The following FSTL4 variants were observed in gnomAD, a reference collection of about 807,000 sequenced individuals.
FSTL4 encodes the protein follistatin like 4.
A neutral mutation model predicts 78.2 loss-of-function variants in FSTL4; 28 were observed. The observed-to-expected ratio is 0.36, with a 90% CI of 0.27 to 0.49. FSTL4 has a LOEUF of 0.49. Ranked by LOEUF, FSTL4 falls within the 20% of genes least tolerant of loss-of-function variation. The pLI is 0.98. For missense variants in FSTL4, 922 were observed against 1,084.9 expected, an observed-to-expected ratio of 0.85 and a Z score of 2.11; for synonymous variants, 422 against 440.5, an observed-to-expected ratio of 0.96 and a Z score of 0.53.
intron 3 of FSTL4, among the ~76,000 whole-genome samples, chr5:133,518,288 A>G (rs1758905318): frequency 6.6e-6 from 1 of 152,234 alleles, no homozygotes; most frequent in African/African-American, 2.4e-5. Context: ...TTATTTTACA[A>G]ATCAATAATA....
chr5:133,516,922 A>ATCTCTGCC (rs908988301), intron 3 of FSTL4, among the ~76,000 whole-genome samples: 1 of 152,158 alleles, frequency 6.6e-6, no homozygotes, highest in African/African-American at 2.4e-5. Flanking sequence ...ATTAAATCAA[A>ATCTCTGCC]TCTCTGCCTC....
intron 4 of FSTL4, among the ~76,000 whole-genome samples, chr5:133,377,805 A>T (rs755552857): frequency 1.1e-4 from 17 of 152,304 alleles, no homozygotes; most frequent in Non-Finnish European, 2.2e-4. Flanking sequence ...AAATTCAACA[A>T]TCTTCAAGGA....
chr5:133,502,076 C>G (rs74613437), intron 3 of FSTL4, among the ~76,000 whole-genome samples: 1 of 152,196 alleles, frequency 6.6e-6, no homozygotes, highest in Non-Finnish European at 1.5e-5. Flanking sequence ...TTGGAGGGAG[C>G]ACAGCCCTGA....
intron 3 of FSTL4, among the ~76,000 whole-genome samples, chr5:133,566,039 C>G (rs1420002777): frequency 6.6e-6 from 1 of 152,138 alleles, no homozygotes; most frequent in Non-Finnish European, 1.5e-5. Context: ...TCAAACAATG[C>G]AGTTTGCTTT....
chr5:133,550,913 C>T (rs1219997082), intron 3 of FSTL4, among the ~76,000 whole-genome samples: 1 of 152,140 alleles, frequency 6.6e-6, no homozygotes, highest in East Asian at 1.9e-4. Flanking sequence ...CGATGATTTT[C>T]TTGTCCTTTT....
chr5:133,572,279 T>G (rs1272103928), intron 2 of FSTL4, among the ~76,000 whole-genome samples: 1 of 152,226 alleles, frequency 6.6e-6, no homozygotes, highest in South Asian at 2.1e-4. Context: ...TTAATTTTTT[T>G]AACTTTTATT....
the FSTL4 span, among the ~76,000 whole-genome samples, chr5:133,803,794 G>A: frequency 6.6e-6 from 1 of 152,178 alleles, no homozygotes; most frequent in Non-Finnish European, 1.5e-5. Context: ...CCTGGTATCA[G>A]TGAGCCTTCT....
chr5:133,650,254 C>A, the FSTL4 span, among the ~76,000 whole-genome samples: 1 of 152,132 alleles, frequency 6.6e-6, no homozygotes, highest in African/African-American at 2.4e-5. Flanking sequence ...CATCAGGAAC[C>A]AAACTTCAAC....
At chr5:133,679,191 A>C in the FSTL4 span, among the ~76,000 whole-genome samples, 5 of 152,146 alleles carry the variant, frequency 3.3e-5, no homozygotes, top group African/African-American at 1.2e-4. Flanking sequence ...TTAGAGCCCA[A>C]GGTTTTAATC....
At chr5:133,221,811 CTTTCTTCA>C (rs1174742012) in intron 11 of FSTL4, among the ~76,000 whole-genome samples, 2 of 149,210 alleles carry the variant, frequency 1.3e-5, no homozygotes, top group African/African-American at 2.5e-5. Context: ...CTTTCCCTTC[CTTTCTTCA>C]TTTCTTTTAA....
intron 6 of FSTL4, among the ~76,000 whole-genome samples, chr5:133,265,760 C>T (rs888828374): frequency 6.6e-6 from 1 of 152,188 alleles, no homozygotes; most frequent in African/African-American, 2.4e-5. Context: ...CACCCCTGCA[C>T]GGCTGGTCAT....
At chr5:133,827,199 G>A in the FSTL4 span, among the ~76,000 whole-genome samples, 1 of 152,208 alleles carries the variant, frequency 6.6e-6, no homozygotes, top group African/African-American at 2.4e-5. Flanking sequence ...GCCCCCAGCA[G>A]CACCAATAGG....
At chr5:133,526,854 G>A (rs1196749271) in intron 3 of FSTL4, among the ~76,000 whole-genome samples, 1 of 152,182 alleles carries the variant, frequency 6.6e-6, no homozygotes, top group Non-Finnish European at 1.5e-5. Context: ...TGAACGGGCT[G>A]AAGTTTTGAG....
chr5:133,393,369 C>A (rs1755905867), intron 4 of FSTL4, among the ~76,000 whole-genome samples: 1 of 152,190 alleles, frequency 6.6e-6, no homozygotes, highest in Admixed American at 6.5e-5. Context: ...GCCCGGTGTT[C>A]TGATCATACT....
chr5:133,540,925 C>A (rs913568436), intron 3 of FSTL4, among the ~76,000 whole-genome samples: 1 of 152,118 alleles, frequency 6.6e-6, no homozygotes, highest in Non-Finnish European at 1.5e-5. Flanking sequence ...CTTCTTGGAA[C>A]ATTTTCCTCC....
Position 133,583,612 on chromosome 5 carries a change from G to A in FSTL4, c.127-16393C>T, listed in dbSNP as rs1446743716. The A allele has an allele frequency of 4.3e-3, 426 of 99,966 alleles. 23 individuals are homozygous for A. The highest frequency in any genetic ancestry group is 4.5e-3 in the Non-Finnish European group (220 of 49,092). The allele number at this position is 99,966 out of a possible 1,614,324, so 6.2% of individuals were successfully genotyped here. ...ACCGGCTTAAGAAACGGCGCACCACGAGACTATATCCCACACCTGGCTCAG... is the reference window on the plus strand; with the variant it reads ...ACCGGCTTAAGAAACGGCGCACCACAAGACTATATCCCACACCTGGCTCAG... On this transcript the variant is annotated intron_variant, in intron 2 of 15. Transcript: ENST00000265342.
At chr5:133,501,445 G>A (rs904111745) in intron 3 of FSTL4, among the ~76,000 whole-genome samples, 24 of 152,148 alleles carry the variant, frequency 1.6e-4, no homozygotes, top group East Asian at 9.6e-4. Context: ...GGAGAACAGT[G>A]CAGTCCATGA....
intron 2 of FSTL4, among the ~76,000 whole-genome samples, chr5:133,576,877 C>T (rs1444397743): frequency 1.3e-5 from 2 of 152,212 alleles, no homozygotes; most frequent in African/African-American, 2.4e-5. Context: ...ATCTTTCTTA[C>T]AATTTTTCAT....
chr5:133,302,088 G>A lies in FSTL4; in HGVS notation c.727+10566C>T, dbSNP rs867357841. Among the ~76,000 whole-genome samples, 7 of 152,088 alleles carry A rather than the reference G, an allele frequency of 4.6e-5. No homozygotes were observed. The South Asian group carries it at 1.2e-3, about 27-fold the overall frequency. On this transcript the variant is annotated intron_variant, in intron 6 of 15. Coordinates refer to ENST00000265342, the MANE Select transcript of FSTL4 (RefSeq NM_015082.2). ...TAGTTACGAGCGTTCGCTTGTCCCAGTCAAAATCAGGATCCCAAGGGTCCA... is the reference window on the plus strand; with the variant it reads ...TAGTTACGAGCGTTCGCTTGTCCCAATCAAAATCAGGATCCCAAGGGTCCA...
Sources: gnomAD v4.1 joint callset for allele counts (sites outside exome capture counted in the v4.1 genomes callset) on GRCh38, gnomAD v4.1.1 for gene constraint, MANE v1.5 for transcripts, NCBI Gene and HGNC (gene_info 2026-07-23, HGNC 2026-07-21) for gene names.